HNF4A: variants seen among roughly 807,000 people sequenced by gnomAD.
HNF4A encodes the protein hepatocyte nuclear factor 4 alpha.
In HNF4A, 15 loss-of-function variants were observed where a neutral mutation model predicts 52.4. That is an observed-to-expected ratio of 0.29 (90% CI 0.19 to 0.44). The LOEUF (loss-of-function observed/expected upper bound fraction) is 0.44. Among genes scored for constraint, HNF4A ranks in the 20% least tolerant of loss-of-function variants. The pLI, the probability that HNF4A is intolerant of heterozygous loss-of-function variation, is 1.00. For synonymous variants in HNF4A, 280 were observed against 264.4 expected, an observed-to-expected ratio of 1.06 and a Z score of -0.57; for missense variants, 479 against 647.2, an observed-to-expected ratio of 0.74 and a Z score of 2.82.
At chr20:44,412,756 G>A (rs1047967837) in intron 3 of HNF4A, among the ~76,000 whole-genome samples, 1 of 152,100 alleles carries the variant, frequency 6.6e-6, no homozygotes, top group Non-Finnish European at 1.5e-5. Context: ...CGACAGCACT[G>A]GGGTGTGAGG....
intron 1 of HNF4A, among the ~76,000 whole-genome samples, chr20:44,367,906 G>A (rs976557772): frequency 1.3e-5 from 2 of 151,654 alleles, no homozygotes; most frequent in African/African-American, 4.8e-5. Context: ...CGCAGCGCAT[G>A]AGAGGCGGAG....
rs144306069 is a variant in HNF4A, at chr20:44,430,092, G to T, written c.*427G>T. On this transcript the variant is annotated 3_prime_UTR_variant, in exon 10 of 10. Transcript: ENST00000316099. ...TCCAGACAGAGCCCTGTGAGGCTGG[G>T]TCCAATTGTGGCACTTGGGGCACCT... The T allele has an allele frequency of 5.2e-4, 87 of 166,054 alleles. 1 individual carries two copies. In the East Asian group the frequency reaches 0.015, roughly 29 times the overall value. The allele number at this position is 166,054 out of a possible 1,614,324, so 10.3% of individuals were successfully genotyped here.
chr20:44,388,076 A>C (rs1398915107), intron 1 of HNF4A, among the ~76,000 whole-genome samples: 2 of 148,702 alleles, frequency 1.3e-5, no homozygotes, highest in African/African-American at 2.6e-5. Flanking sequence ...CCACACTCCT[A>C]TATCCACACA....
intron 5 of HNF4A, among the ~76,000 whole-genome samples, chr20:44,417,125 A>G (rs1379139222): frequency 6.6e-6 from 1 of 151,036 alleles, no homozygotes; most frequent in African/African-American, 2.4e-5. Flanking sequence ...GATAACTGAA[A>G]GAATGAACAA....
chr20:44,383,351 T>TA (rs1393564982), intron 1 of HNF4A, among the ~76,000 whole-genome samples: 3 of 152,076 alleles, frequency 2.0e-5, no homozygotes, highest in Non-Finnish European at 4.4e-5. Flanking sequence ...ATTTTGCAAA[T>TA]AAGAAAACAG....
rs975324271 is a variant in HNF4A at position 44,429,735 on chromosome 20, G to C, written c.*70G>C. ...CTAAGAGAGCACCTGGTGATCACGT[G>C]GTCACGGCAAAGGAAGACGTGATGC... On this transcript the variant is annotated 3_prime_UTR_variant, in exon 10 of 10. Coordinates refer to ENST00000316099, the MANE Select transcript of HNF4A (RefSeq NM_000457.6). 135 of 1,503,818 alleles carry C rather than the reference G, an allele frequency of 9.0e-5. No individual in the cohort carries two copies. In the African/African-American group the frequency reaches 1.8e-3, roughly 20 times the overall value. 93.2% of individuals were successfully genotyped at this position (1,503,818 alleles called of 1,614,324 possible).
chr20:44,400,681 G>A (rs1366884195), upstream of HNF4A, among the ~76,000 whole-genome samples: 1 of 152,182 alleles, frequency 6.6e-6, no homozygotes, highest in Non-Finnish European at 1.5e-5. Flanking sequence ...GCAGGAGCGG[G>A]GAATTGGAGG....
upstream of HNF4A, chr20:44,401,138 G>A (rs1011113404): frequency 2.5e-5 from 33 of 1,332,060 alleles, no homozygotes; most frequent in African/African-American, 1.3e-4. Context: ...CTGCAGCCCC[G>A]CCCAGCCTAT....
exon 1 of HNF4A, chr20:44,355,828 C>T (rs761046168): frequency 6.2e-7 from 1 of 1,613,564 alleles, no homozygotes; most frequent in Non-Finnish European, 8.5e-7. Flanking sequence ...ACGCGCCCCT[C>T]GGGGCTCCAG....
At chr20:44,385,586 A>G (rs6031576) in intron 1 of HNF4A, among the ~76,000 whole-genome samples, 45,469 of 151,612 alleles carry the variant, frequency 0.3, 7,069 homozygotes, top group Non-Finnish European at 0.34. Flanking sequence ...CTCCTGCCCC[A>G]GCCTCCCAAG....
intron 1 of HNF4A, among the ~76,000 whole-genome samples, chr20:44,375,288 A>G (rs1036739396): frequency 6.6e-6 from 1 of 151,760 alleles, no homozygotes; most frequent in Non-Finnish European, 1.5e-5. Context: ...TCCTTGTAGA[A>G]TTGCTAAGTT....
chr20:44,405,912 G>C, intron 1 of HNF4A, 146 bp from the exon 2 acceptor site: 1 of 782,922 alleles, frequency 1.3e-6, no homozygotes, highest in Non-Finnish European at 2.2e-6. Flanking sequence ...AAAAAGTCAG[G>C]AGGTCACTGA....
intron 1 of HNF4A, among the ~76,000 whole-genome samples, chr20:44,361,671 A>C (rs73109981): frequency 0.16 from 24,581 of 151,950 alleles, 2,389 homozygotes; most frequent in Middle Eastern, 0.26. Flanking sequence ...GAGTCAGACT[A>C]TGTCTCAAAA....
At chr20:44,398,142 A>T (rs1460922343), upstream of HNF4A, among the ~76,000 whole-genome samples, 1 of 152,212 alleles carries the variant, frequency 6.6e-6, no homozygotes, top group Admixed American at 6.5e-5. Context: ...GGGGCATGGG[A>T]TCATTGCGTT....
At chr20:44,411,471 C>T (rs1472273028) in intron 3 of HNF4A, among the ~76,000 whole-genome samples, 1 of 152,108 alleles carries the variant, frequency 6.6e-6, no homozygotes, top group Admixed American at 6.5e-5. Flanking sequence ...CGCCCGCCGG[C>T]CACTCGGCGC....
rs574349993 is a variant in HNF4A, at chr20:44,421,784, T to A, written c.892+1908T>A. The stretch of plus-strand genomic sequence containing the variant: ...AAATACATATATGTGTATATATATA[T>A]AATATATATTATATATATATAATAT... On this transcript the variant is annotated intron_variant, in intron 7 of 9. Transcript: ENST00000316099. 6.1e-5 allele frequency among the ~76,000 whole-genome samples: 9 copies of A among 146,480 alleles called. No homozygotes were observed. In the East Asian group the frequency reaches 9.8e-4, roughly 16 times the overall value.
chr20:44,359,517 A>G (rs2062894898), intron 1 of HNF4A, among the ~76,000 whole-genome samples: 1 of 152,202 alleles, frequency 6.6e-6, no homozygotes, highest in Admixed American at 6.5e-5. Context: ...GACCTAGACC[A>G]GTGATTTTTC....
At position 44,429,843 on chromosome 20, in the gene HNF4A, A is replaced by T. The variant is rs1261593756; in HGVS notation, c.*178A>T. 1 of 647,052 alleles carries T rather than the reference A, an allele frequency of 1.5e-6. No homozygotes were observed. The highest frequency in any genetic ancestry group is 2.7e-6 in the Non-Finnish European group (1 of 374,270). 40.1% of individuals were successfully genotyped at this position (647,052 alleles called of 1,614,324 possible). A position where few individuals can be genotyped will look rare whatever the true frequency, so the allele number is the denominator to read the frequency against. Reference sequence around the variant, plus strand: ...GGGCCACATCCCACTGCCACCCTTGACGCCCTGCTCTGGATAACAAGACTT... The same window carrying T: ...GGGCCACATCCCACTGCCACCCTTGTCGCCCTGCTCTGGATAACAAGACTT... On this transcript the variant is annotated 3_prime_UTR_variant, in exon 10 of 10. Coordinates refer to ENST00000316099, the MANE Select transcript of HNF4A (RefSeq NM_000457.6).
intron 1 of HNF4A, among the ~76,000 whole-genome samples, chr20:44,369,691 G>T (rs1322548405): frequency 3.3e-5 from 5 of 151,998 alleles, no homozygotes; most frequent in Non-Finnish European, 7.4e-5. Context: ...TTCTGAGTTG[G>T]AGTCTCACTC....
Sources: allele counts gnomAD v4.1 joint callset (sites outside exome capture counted in the v4.1 genomes callset), GRCh38; gene constraint gnomAD v4.1.1; transcripts MANE v1.5; gene names NCBI Gene and HGNC (gene_info 2026-07-23, HGNC 2026-07-21).